The following IL1RAPL2 variants were observed in gnomAD, a reference collection of about 807,000 sequenced individuals.
IL1RAPL2 encodes the protein interleukin 1 receptor accessory protein like 2, also known as X-linked interleukin-1 receptor accessory protein-like 2.
IL1RAPL2 carries 3 observed loss-of-function variants against 44.1 expected under a neutral mutation model. The observed-to-expected ratio is 0.07, with a 90% CI of 0.03 to 0.18. The LOEUF (loss-of-function observed/expected upper bound fraction) is 0.18. Ranked by LOEUF, IL1RAPL2 falls within the 10% of genes least tolerant of loss-of-function variation. IL1RAPL2 has a pLI of 1.00. For missense variants in IL1RAPL2, 391 were observed against 496.4 expected, an observed-to-expected ratio of 0.79 and a Z score of 2.02; for synonymous variants, 181 against 178.8, an observed-to-expected ratio of 1.01 and a Z score of -0.10.
chrX:105,674,675 G>GT (rs2037853684), intron 6 of IL1RAPL2, among the ~76,000 whole-genome samples: 2 of 111,040 alleles, frequency 1.8e-5, no homozygotes, highest in South Asian at 7.5e-4. Flanking sequence ...AAAAAAATTA[G>GT]TTTTTTTCTA....
At chrX:104,671,203 CACAA>C (rs1009997009) in intron 2 of IL1RAPL2, among the ~76,000 whole-genome samples, 10 of 110,829 alleles carry the variant, frequency 9.0e-5, no homozygotes, top group Non-Finnish European at 3.8e-5. Flanking sequence ...CACGCACACA[CACAA>C]ACACACAATT....
At chrX:105,036,013 G>T (rs778407262) in intron 2 of IL1RAPL2, among the ~76,000 whole-genome samples, 86 of 111,466 alleles carry the variant, frequency 7.7e-4, no homozygotes, top group Non-Finnish European at 1.2e-3. Context: ...TAGTCTACAT[G>T]GTTCCCTCTA....
intron 2 of IL1RAPL2, among the ~76,000 whole-genome samples, chrX:104,862,075 A>G (rs1054660268): frequency 1.8e-5 from 2 of 111,114 alleles, no homozygotes; most frequent in African/African-American, 6.5e-5. Context: ...TGAAATGACA[A>G]GGTACAATTT....
chrX:104,996,469 AT>A (rs1388474709), intron 2 of IL1RAPL2, among the ~76,000 whole-genome samples: 1 of 111,902 alleles, frequency 8.9e-6, no homozygotes, highest in African/African-American at 3.2e-5. Context: ...TTGTAAGATA[AT>A]TGGAAATTAG....
In IL1RAPL2 at chrX:105,398,913, G is replaced by A. The variant is rs2035585013; in HGVS notation, c.698-85400G>A. Among the ~76,000 whole-genome samples the A allele has an allele frequency of 1.8e-5, 2 of 111,327 alleles. 1 individual carries two copies. Among genetic ancestry groups the A allele is most frequent in the South Asian group, 7.5e-4 (2 of 2,661 alleles). On this transcript the variant is annotated intron_variant, in intron 5 of 10. Coordinates refer to ENST00000372582, the MANE Select transcript of IL1RAPL2 (RefSeq NM_017416.2). ...GTGCAGAGAAACCAGCGGAAACTTAGTCCATACTTGTTGACTTGACAGTTT... is the reference window on the plus strand; with the variant it reads ...GTGCAGAGAAACCAGCGGAAACTTAATCCATACTTGTTGACTTGACAGTTT...
chrX:104,889,937 T>A, intron 2 of IL1RAPL2, among the ~76,000 whole-genome samples: 1 of 111,103 alleles, frequency 9.0e-6, no homozygotes, highest in Non-Finnish European at 1.9e-5. Flanking sequence ...CTCCTAATGC[T>A]ATCCCTCCCC....
At chrX:104,879,583 T>TTTTACTACAGTAAA (rs2147657400) in intron 2 of IL1RAPL2, among the ~76,000 whole-genome samples, 1 of 111,648 alleles carries the variant, frequency 9.0e-6, no homozygotes, top group South Asian at 3.7e-4. Context: ...GTAAACTTTA[T>TTTTACTACAGTAAA]ATTTCCTTTG....
At chrX:105,383,142 A>G (rs1025105677) in intron 5 of IL1RAPL2, among the ~76,000 whole-genome samples, 3 of 109,993 alleles carry the variant, frequency 2.7e-5, no homozygotes, top group African/African-American at 9.9e-5. Flanking sequence ...AATCACATGA[A>G]CGCAAAAATA....
At chrX:105,006,478 CAT>C (rs1242031950) in intron 2 of IL1RAPL2, among the ~76,000 whole-genome samples, 1 of 110,570 alleles carries the variant, frequency 9.0e-6, no homozygotes, top group Non-Finnish European at 1.9e-5. Context: ...TGAATTCAAA[CAT>C]ATGTTTTATT....
chrX:105,703,112 T>G (rs1403427538), intron 6 of IL1RAPL2, among the ~76,000 whole-genome samples: 2 of 111,561 alleles, frequency 1.8e-5, no homozygotes, highest in African/African-American at 3.3e-5. Flanking sequence ...TAGAATAAGT[T>G]TTCTTAATCT....
chrX:105,455,885 G>A (rs1275878878), intron 5 of IL1RAPL2, among the ~76,000 whole-genome samples: 1 of 112,063 alleles, frequency 8.9e-6, no homozygotes, highest in Non-Finnish European at 1.9e-5. Flanking sequence ...AATAGAAATA[G>A]CACTGAATCT....
At chrX:105,468,560 A>T (rs776655523) in intron 5 of IL1RAPL2, among the ~76,000 whole-genome samples, 1 of 111,782 alleles carries the variant, frequency 8.9e-6, no homozygotes, top group African/African-American at 3.2e-5. Context: ...ATTTTTGAAC[A>T]AGGGGCCATG....
At chrX:105,619,870 A>C (rs1041994360) in intron 6 of IL1RAPL2, among the ~76,000 whole-genome samples, 17 of 110,923 alleles carry the variant, frequency 1.5e-4, no homozygotes, top group Admixed American at 6.8e-4. Flanking sequence ...TGAGATGCCT[A>C]ATAGACATCT....
chrX:105,719,781 C>T (rs1245891744), intron 7 of IL1RAPL2, among the ~76,000 whole-genome samples: 1 of 107,699 alleles, frequency 9.3e-6, no homozygotes, highest in Non-Finnish European at 1.9e-5. Flanking sequence ...AATTGCCTGA[C>T]ACAGAACAGA....
chrX:105,386,538 G>A (rs2057967409), intron 5 of IL1RAPL2, among the ~76,000 whole-genome samples: 1 of 111,743 alleles, frequency 8.9e-6, no homozygotes, highest in Non-Finnish European at 1.9e-5. Context: ...AAACGAATAT[G>A]TAAAAGCTGG....
intron 1 of IL1RAPL2, among the ~76,000 whole-genome samples, chrX:104,628,662 G>A (rs1022396040): frequency 9.0e-6 from 1 of 111,678 alleles, no homozygotes; most frequent in African/African-American, 3.3e-5. Flanking sequence ...ACCCAGTAGT[G>A]GATGGCTGGA....
intron 2 of IL1RAPL2, among the ~76,000 whole-genome samples, chrX:104,867,970 A>G (rs1214475453): frequency 1.8e-5 from 2 of 111,582 alleles, no homozygotes; most frequent in East Asian, 5.7e-4. Context: ...CTCTTAATGG[A>G]AGGCCTTTTA....
chrX:105,659,054 T>C (rs1323930433), intron 6 of IL1RAPL2, among the ~76,000 whole-genome samples: 1 of 107,998 alleles, frequency 9.3e-6, no homozygotes, highest in East Asian at 2.9e-4. Flanking sequence ...ATGAACCTGG[T>C]AAGTAGAGGT....
intron 2 of IL1RAPL2, among the ~76,000 whole-genome samples, chrX:104,722,817 G>A (rs1931708666): frequency 9.0e-6 from 1 of 111,675 alleles, no homozygotes; most frequent in East Asian, 2.8e-4. Context: ...GACATGCATG[G>A]AAACCAGCAG....
Sources: gnomAD v4.1 joint callset for allele counts (sites outside exome capture counted in the v4.1 genomes callset) on GRCh38, gnomAD v4.1.1 for gene constraint, MANE v1.5 for transcripts, NCBI Gene and HGNC (gene_info 2026-07-23, HGNC 2026-07-21) for gene names.